PCDH15: variants seen among roughly 807,000 people sequenced by gnomAD.
The protein encoded by PCDH15 is protocadherin-15.
PCDH15 carries 129 observed loss-of-function variants against 178.5 expected under a neutral mutation model. That is an observed-to-expected ratio of 0.72 (90% CI 0.63 to 0.84). The LOEUF (loss-of-function observed/expected upper bound fraction) is 0.84. PCDH15 is among the 40% of genes least tolerant of loss of function. The probability of loss-of-function intolerance (pLI) is 0.00; values close to 1 mark genes in which losing one functional copy is unlikely to be tolerated. For synonymous variants in PCDH15, 800 were observed against 732.0 expected, an observed-to-expected ratio of 1.09 and a Z score of -1.50; for missense variants, 2,230 against 2,099.9, an observed-to-expected ratio of 1.06 and a Z score of -1.21.
intron 8 of PCDH15, among the ~76,000 whole-genome samples, chr10:54,282,067 T>C (rs892147012): frequency 1.3e-5 from 2 of 152,124 alleles, no homozygotes; most frequent in African/African-American, 4.8e-5. Flanking sequence ...AGACTGTTGC[T>C]AAGTCCAGGC....
intron 2 of PCDH15, among the ~76,000 whole-genome samples, chr10:55,389,891 GAATA>G (rs1423071793): frequency 6.6e-6 from 1 of 151,960 alleles, no homozygotes; most frequent in Non-Finnish European, 1.5e-5. Flanking sequence ...GCAAAATGTT[GAATA>G]AATTATAAAT....
chr10:55,352,723 G>A (rs1844969841), intron 2 of PCDH15, among the ~76,000 whole-genome samples: 1 of 152,032 alleles, frequency 6.6e-6, no homozygotes, highest in African/African-American at 2.4e-5. Context: ...TTCTCTTTTG[G>A]ACTATGATGT....
At chr10:55,596,516 G>A (rs1589165335) in intron 2 of PCDH15, among the ~76,000 whole-genome samples, 1 of 151,886 alleles carries the variant, frequency 6.6e-6, no homozygotes, top group Non-Finnish European at 1.5e-5. Flanking sequence ...CATATGCAAG[G>A]CAGAGAAAAT....
At chr10:55,604,847 A>G (rs1843176448) in intron 2 of PCDH15, among the ~76,000 whole-genome samples, 1 of 138,930 alleles carries the variant, frequency 7.2e-6, no homozygotes, top group African/African-American at 2.7e-5. Context: ...TAGAAAAGCA[A>G]GAGCAAACAC....
At chr10:54,952,720 G>T (rs1455752059) in intron 2 of PCDH15, among the ~76,000 whole-genome samples, 1 of 151,554 alleles carries the variant, frequency 6.6e-6, no homozygotes, top group African/African-American at 2.4e-5. Context: ...CATTTTGTTA[G>T]ATTTTTTACC....
chr10:54,535,579 G>A (rs113826237), intron 2 of PCDH15, among the ~76,000 whole-genome samples: 8,258 of 151,662 alleles, frequency 0.054, 262 homozygotes, highest in African/African-American at 0.061. Flanking sequence ...GCGTGGTGGC[G>A]GGCGCCTGTA....
chr10:54,528,641 C>T (rs747179566), intron 2 of PCDH15, among the ~76,000 whole-genome samples: 3 of 151,660 alleles, frequency 2.0e-5, no homozygotes, highest in African/African-American at 2.4e-5. Flanking sequence ...TTTTAAAAGC[C>T]GTTACAAAAA....
At chr10:54,835,057 T>C (rs1406808583) in intron 3 of PCDH15, among the ~76,000 whole-genome samples, 1 of 152,180 alleles carries the variant, frequency 6.6e-6, no homozygotes, top group Non-Finnish European at 1.5e-5. Flanking sequence ...CAATTGGTAG[T>C]GAAAACCTAT....
intron 2 of PCDH15, among the ~76,000 whole-genome samples, chr10:55,520,706 C>A (rs1171662188): frequency 6.6e-6 from 1 of 151,544 alleles, no homozygotes; most frequent in East Asian, 2.0e-4. Context: ...AATCTACTAA[C>A]AATCTATTGC....
chr10:54,891,268 T>G (rs1185376408), intron 3 of PCDH15, among the ~76,000 whole-genome samples: 1 of 151,966 alleles, frequency 6.6e-6, no homozygotes, highest in East Asian at 1.9e-4. Context: ...AGAGAAAAAA[T>G]AGGCAAATTC....
At chr10:54,794,111 TTAAGATATATA>T (rs1184111681) in intron 1 of PCDH15, among the ~76,000 whole-genome samples, 4 of 146,994 alleles carry the variant, frequency 2.7e-5, no homozygotes, top group African/African-American at 2.5e-5. Context: ...TTTCTTTCCT[TTAAGATATATA>T]TAAGATATAT....
chr10:54,006,814 C>T (rs1377246143), intron 20 of PCDH15, among the ~76,000 whole-genome samples: 2 of 152,132 alleles, frequency 1.3e-5, no homozygotes, highest in African/African-American at 4.8e-5. Flanking sequence ...ACAACAACCT[C>T]AGCCCTTGTT....
intron 2 of PCDH15, among the ~76,000 whole-genome samples, chr10:55,507,618 G>A (rs866633415): frequency 3.3e-5 from 5 of 151,218 alleles, no homozygotes; most frequent in African/African-American, 7.3e-5. Flanking sequence ...GTGCAATGGC[G>A]TGATCTCCCA....
At chr10:54,583,147 C>T (rs1041221221) in intron 2 of PCDH15, among the ~76,000 whole-genome samples, 1 of 151,950 alleles carries the variant, frequency 6.6e-6, no homozygotes, top group African/African-American at 2.4e-5. Context: ...GTATGCACCC[C>T]TAAACAGTAT....
At chr10:55,117,904 G>A (rs886987249) in intron 2 of PCDH15, among the ~76,000 whole-genome samples, 2 of 152,074 alleles carry the variant, frequency 1.3e-5, no homozygotes, top group African/African-American at 4.8e-5. Context: ...AAATCACCAT[G>A]GAATATATCT....
chr10:54,014,886 A>G (rs1251486348), intron 20 of PCDH15, among the ~76,000 whole-genome samples: 2 of 151,956 alleles, frequency 1.3e-5, no homozygotes, highest in African/African-American at 4.8e-5. Context: ...GCCACTCATC[A>G]TAGTAATGGA....
At chr10:54,316,758 A>C (rs115876530) in intron 8 of PCDH15, among the ~76,000 whole-genome samples, 44 of 152,274 alleles carry the variant, frequency 2.9e-4, no homozygotes, top group African/African-American at 1.1e-3. Flanking sequence ...AGTGTAGAAA[A>C]TATGTATTCA....
chr10:54,521,047 T>C (rs1474257990), intron 3 of PCDH15, among the ~76,000 whole-genome samples: 5 of 123,324 alleles, frequency 4.1e-5, no homozygotes, highest in East Asian at 2.7e-4. Flanking sequence ...GAACATCACA[T>C]TCTGGGGACT....
intron 1 of PCDH15, among the ~76,000 whole-genome samples, chr10:55,225,245 A>C (rs544003808): frequency 5.3e-5 from 8 of 152,252 alleles, no homozygotes; most frequent in Non-Finnish European, 5.9e-5. Context: ...TAGATGAACA[A>C]AAACCCAATA....
Sources: allele counts gnomAD v4.1 joint callset (sites outside exome capture counted in the v4.1 genomes callset), GRCh38; gene constraint gnomAD v4.1.1; transcripts MANE v1.5; gene names NCBI Gene and HGNC (gene_info 2026-07-23, HGNC 2026-07-21).